The following TRHDE variants were observed in gnomAD, a reference collection of about 807,000 sequenced individuals.
The protein encoded by TRHDE is thyrotropin-releasing hormone-degrading ectoenzyme.
In TRHDE, 72 loss-of-function variants were observed where a neutral mutation model predicts 125.7. That is an observed-to-expected ratio of 0.57 (90% CI 0.47 to 0.70). The LOEUF (loss-of-function observed/expected upper bound fraction) is 0.70. Among genes scored for constraint, TRHDE ranks in the 30% least tolerant of loss-of-function variants. TRHDE has a pLI of 0.00. For missense variants in TRHDE, 1,110 were observed against 1,327.1 expected, an observed-to-expected ratio of 0.84 and a Z score of 2.54; for synonymous variants, 509 against 509.1, an observed-to-expected ratio of 1.00 and a Z score of 0.00.
chr12:72,528,775 T>G (rs1868398329), intron 6 of TRHDE, among the ~76,000 whole-genome samples: 2 of 152,214 alleles, frequency 1.3e-5, no homozygotes, highest in South Asian at 4.1e-4. Context: ...TGTGAGCCAC[T>G]GCACAGGCCC....
chr12:72,627,400 T>C (rs1873305102), intron 15 of TRHDE, among the ~76,000 whole-genome samples: 1 of 151,846 alleles, frequency 6.6e-6, no homozygotes, highest in Non-Finnish European at 1.5e-5. Context: ...AGCTATTCAG[T>C]TCATTGTGAA....
At chr12:72,408,890 A>G (rs1873377456) in intron 3 of TRHDE, among the ~76,000 whole-genome samples, 1 of 152,216 alleles carries the variant, frequency 6.6e-6, no homozygotes, top group Admixed American at 6.5e-5. Context: ...GGGCAGAAAG[A>G]GAAAGTCTAA....
intron 3 of TRHDE, among the ~76,000 whole-genome samples, chr12:72,454,727 T>A (rs1174227067): frequency 6.6e-6 from 1 of 152,212 alleles, no homozygotes; most frequent in Non-Finnish European, 1.5e-5. Context: ...CTTGTTAAAA[T>A]GCATATTCTG....
intron 15 of TRHDE, among the ~76,000 whole-genome samples, chr12:72,643,754 G>T (rs1029097646): frequency 1.3e-5 from 2 of 152,142 alleles, no homozygotes; most frequent in African/African-American, 4.8e-5. Context: ...CAGAGGCTGT[G>T]TTTTAACAAG....
intron 12 of TRHDE, among the ~76,000 whole-genome samples, chr12:72,577,308 A>G (rs1871041553): frequency 6.6e-6 from 1 of 152,150 alleles, no homozygotes. Flanking sequence ...TAATTTGTTT[A>G]ATTTTCACAA....
chr12:72,607,524 A>AGTC (rs79327913), intron 12 of TRHDE, among the ~76,000 whole-genome samples: 10,664 of 152,066 alleles, frequency 0.07, 471 homozygotes, highest in Admixed American at 0.14. Flanking sequence ...TTTTTTTAAA[A>AGTC]AGTCAGAATA....
intron 5 of TRHDE, among the ~76,000 whole-genome samples, chr12:72,495,194 C>T (rs913286557): frequency 4.7e-5 from 7 of 147,482 alleles, no homozygotes; most frequent in African/African-American, 1.5e-4. Context: ...GAATTTTTTT[C>T]ATTCAAAATA....
At chr12:72,432,801 C>A (rs186232342) in intron 3 of TRHDE, among the ~76,000 whole-genome samples, 2 of 152,072 alleles carry the variant, frequency 1.3e-5, no homozygotes, top group African/African-American at 2.4e-5. Flanking sequence ...AATACAGATG[C>A]CTTTCATTTT....
chr12:72,432,768 G>A (rs928064210), intron 3 of TRHDE, among the ~76,000 whole-genome samples: 4 of 152,094 alleles, frequency 2.6e-5, no homozygotes, highest in African/African-American at 9.7e-5. Flanking sequence ...TGTCTTTTGC[G>A]AATAGGGACA....
At chr12:72,652,586 GTTATTT>G in intron 16 of TRHDE, 97 bp downstream of exon 16, 1 of 862,222 alleles carries the variant, frequency 1.2e-6, no homozygotes, top group Non-Finnish European at 1.7e-6. Flanking sequence ...ATATATGCTA[GTTATTT>G]TAAAATATAT....
chr12:72,454,661 CTT>C (rs1187303538), intron 3 of TRHDE, among the ~76,000 whole-genome samples: 1 of 152,218 alleles, frequency 6.6e-6, no homozygotes, highest in Non-Finnish European at 1.5e-5. Context: ...TCATGGAAGA[CTT>C]ACTCTAAGTC....
intron 3 of TRHDE, among the ~76,000 whole-genome samples, chr12:72,457,656 A>G (rs1430680183): frequency 6.6e-6 from 1 of 150,378 alleles, no homozygotes; most frequent in Non-Finnish European, 1.5e-5. Context: ...GTTCCTTTGG[A>G]TTATATGTTT....
chr12:72,100,554 C>T lies in TRHDE; in HGVS notation n.175-5094C>T, dbSNP rs555391080. ...CAACCCAATCACTGTGGTGTGTTTG[C>T]TGTTGTCATAGTTATTTATCTTCTG... On this transcript the variant is annotated intron_variant and non_coding_transcript_variant, in intron 1 of 4. Transcript: ENST00000548156. Among the ~76,000 whole-genome samples, 12 of 152,320 alleles carry T rather than the reference C, an allele frequency of 7.9e-5. No homozygotes were observed. In the East Asian group the frequency reaches 2.1e-3, roughly 27 times the overall value.
chr12:72,125,515 C>T (rs575189582), intron 2 of TRHDE, among the ~76,000 whole-genome samples: 87 of 152,200 alleles, frequency 5.7e-4, no homozygotes, highest in Non-Finnish European at 1.1e-3. Flanking sequence ...CCTTCACATA[C>T]CATCTTTAAT....
intron 6 of TRHDE, among the ~76,000 whole-genome samples, chr12:72,513,028 A>G (rs866082557): frequency 8.5e-5 from 13 of 152,250 alleles, no homozygotes; most frequent in African/African-American, 2.9e-4. Flanking sequence ...ACCAATTGTT[A>G]ATCAACCATA....
At chr12:72,554,256 A>G (rs909249705) in intron 7 of TRHDE, among the ~76,000 whole-genome samples, 2 of 152,090 alleles carry the variant, frequency 1.3e-5, no homozygotes, top group African/African-American at 2.4e-5. Flanking sequence ...TTATCTTGCT[A>G]TTAAAATAAC....
At chr12:72,499,137 G>A (rs902045898) in intron 5 of TRHDE, among the ~76,000 whole-genome samples, 2 of 152,100 alleles carry the variant, frequency 1.3e-5, no homozygotes, top group African/African-American at 4.8e-5. Flanking sequence ...ATTTGGGACT[G>A]GAATTATAAT....
intron 2 of TRHDE, among the ~76,000 whole-genome samples, chr12:72,335,435 G>T (rs1169306432): frequency 6.6e-6 from 1 of 152,138 alleles, no homozygotes; most frequent in East Asian, 1.9e-4. Flanking sequence ...TGGTGGGCCA[G>T]AAAGATAAAG....
intron 12 of TRHDE, among the ~76,000 whole-genome samples, chr12:72,583,324 T>C (rs1329892261): frequency 1.3e-5 from 2 of 152,192 alleles, no homozygotes; most frequent in Non-Finnish European, 2.9e-5. Flanking sequence ...CCGGTATAAG[T>C]TGTTCCATGA....
Sources: gnomAD v4.1 joint callset for allele counts (sites outside exome capture counted in the v4.1 genomes callset) on GRCh38, gnomAD v4.1.1 for gene constraint, MANE v1.5 for transcripts, NCBI Gene and HGNC (gene_info 2026-07-23, HGNC 2026-07-21) for gene names.